Variants in UGT2A3 observed in about 807,000 individuals in gnomAD.
UGT2A3 encodes UDP glucuronosyltransferase family 2 member A3.
UGT2A3 carries 55 observed loss-of-function variants against 44.1 expected under a neutral mutation model. The ratio of observed to expected loss-of-function variants is 1.25; its 90% CI spans 1.00 to 1.56. The LOEUF (loss-of-function observed/expected upper bound fraction) is 1.56, where lower values mean the gene tolerates loss of function less well. Among genes scored for constraint, UGT2A3 ranks in the 40% most tolerant of loss-of-function variants. UGT2A3 has a pLI of 0.00. For missense variants in UGT2A3, 733 were observed against 621.6 expected (o/e 1.18, Z -1.91); for synonymous variants, 243 against 215.1 (o/e 1.13, Z -1.13).
chr4:68,945,289 T>A lies in UGT2A3; in HGVS notation c.864+17A>T. On this transcript the variant is annotated intron_variant, in intron 2 of 5. Transcript: ENST00000251566. ...ATGTCATAAAGTACATAATATTCCTTAATACAATAGTCCTACCTTAGGCAA... is the reference window on the plus strand; with the variant it reads ...ATGTCATAAAGTACATAATATTCCTAAATACAATAGTCCTACCTTAGGCAA... The A allele has an allele frequency of 6.2e-7, 1 of 1,610,290 alleles. No homozygotes were observed.
chr4:68,939,901 A>T (rs1030304040), intron 2 of UGT2A3, among the ~76,000 whole-genome samples: 1 of 152,214 alleles, frequency 6.6e-6, no homozygotes, highest in East Asian at 1.9e-4. Flanking sequence ...ATGAACAGAC[A>T]CTTGTCAAAA....
intron 2 of UGT2A3, among the ~76,000 whole-genome samples, chr4:68,936,292 A>C (rs1408747396): frequency 1.3e-5 from 2 of 152,120 alleles, no homozygotes; most frequent in African/African-American, 4.8e-5. Flanking sequence ...TGAAGGAAAA[A>C]ATGCTAAAAG....
At chr4:68,934,785 G>A (rs968431707) in intron 2 of UGT2A3, among the ~76,000 whole-genome samples, 2 of 151,736 alleles carry the variant, frequency 1.3e-5, no homozygotes, top group African/African-American at 4.8e-5. Flanking sequence ...TAGAAGGATT[G>A]CTTAAACTCA....
At chr4:68,945,166 C>A in intron 2 of UGT2A3, 140 bp downstream of exon 2, 1 of 861,992 alleles carries the variant, frequency 1.2e-6, no homozygotes, top group East Asian at 2.7e-5. Flanking sequence ...CTATAAGAGC[C>A]CCTGTGGCAT....
chr4:68,937,522 AG>A (rs147692883), intron 2 of UGT2A3, among the ~76,000 whole-genome samples: 18,005 of 152,160 alleles, frequency 0.12, 1,550 homozygotes, highest in Admixed American at 0.24. Flanking sequence ...ATGAGAACAA[AG>A]ATACGAAGTA....
In UGT2A3 at chr4:68,930,009, T is replaced by C; in HGVS notation, c.1388A>G (p.Glu463Gly). The C allele has an allele frequency of 6.2e-7, 1 of 1,613,588 alleles. No homozygotes were observed. The highest frequency in any genetic ancestry group is 8.5e-7 in the Non-Finnish European group (1 of 1,179,652). ...GGCTCCTTTGTGGCGCATGACAAAC[T>C]CGATCCAGAAGACTGCTCGATCTAG... Reference protein sequence around the residue: ...KPLDRAVFWIEFVMRHKGAKH... With the variant: ...KPLDRAVFWIGFVMRHKGAKH... Residue 463 changes from glutamate to glycine, a missense_variant, in exon 6 of 6, where the codon GAG becomes GGG. Physicochemically the swap from Glu to Gly is moderately conservative, Grantham distance 98. Transcript: ENST00000251566.
chr4:68,930,016 A>T lies in UGT2A3; in HGVS notation c.1381T>A (p.Trp461Arg), dbSNP rs1403259682. 6.2e-7 allele frequency: 1 copy of T among 1,613,556 alleles called. No individual in the cohort carries two copies. The highest frequency in any genetic ancestry group is 8.5e-7 in the Non-Finnish European group (1 of 1,179,684). Reference protein sequence around the residue: ...PVKPLDRAVFWIEFVMRHKGA... With the variant: ...PVKPLDRAVFRIEFVMRHKGA... Reference sequence around the variant, plus strand: ...TTGTGGCGCATGACAAACTCGATCCAGAAGACTGCTCGATCTAGGGGCTTT... The same window carrying T: ...TTGTGGCGCATGACAAACTCGATCCTGAAGACTGCTCGATCTAGGGGCTTT... The change falls in exon 6 of 6, where the codon TGG (tryptophan) becomes AGG (arginine). Residue 461 changes from tryptophan (W) to arginine (R), a missense_variant. Transcript: ENST00000251566.
In UGT2A3 at chr4:68,938,300, A is replaced by T. The variant is rs183731206; in HGVS notation, c.865-5541T>A. Among the ~76,000 whole-genome samples, 462 of 152,078 alleles carry T rather than the reference A, an allele frequency of 3.0e-3. 6 individuals are homozygous for T. Among genetic ancestry groups the T allele is most frequent in the African/African-American group, 0.011 (450 of 41,498 alleles). ...ATCTCTGAGGAATATCACTGCAAAAACCCTCAATAAAATACTGGCAAACCG... is the reference window on the plus strand; with the variant it reads ...ATCTCTGAGGAATATCACTGCAAAATCCCTCAATAAAATACTGGCAAACCG... On this transcript the variant is annotated intron_variant, in intron 2 of 5. Coordinates refer to ENST00000251566, the MANE Select transcript of UGT2A3 (RefSeq NM_024743.4).
intron 2 of UGT2A3, among the ~76,000 whole-genome samples, chr4:68,936,089 G>C (rs1680718389): frequency 6.6e-6 from 1 of 152,082 alleles, no homozygotes; most frequent in Non-Finnish European, 1.5e-5. Context: ...ATGTTTGATT[G>C]GTGTACCTGA....
chr4:68,940,563 T>A (rs907736386), intron 2 of UGT2A3, among the ~76,000 whole-genome samples: 1 of 151,638 alleles, frequency 6.6e-6, no homozygotes, highest in African/African-American at 2.4e-5. Flanking sequence ...GGGTGGCTGG[T>A]GGAGGGATAG....
chr4:68,929,690 G>C lies in UGT2A3; in HGVS notation c.*123C>G, dbSNP rs1560453538. Reference sequence around the variant, plus strand: ...ACAACCTCATGATCGTGGAATTCTAGGCTATATAGCTAAGATAAAATAACA... The same window carrying C: ...ACAACCTCATGATCGTGGAATTCTACGCTATATAGCTAAGATAAAATAACA... On this transcript the variant is annotated 3_prime_UTR_variant, in exon 6 of 6. Transcript: ENST00000251566. 1.1e-6 allele frequency: 1 copy of C among 900,586 alleles called. No individual in the cohort carries two copies. The highest frequency in any genetic ancestry group is 1.7e-6 in the Non-Finnish European group (1 of 591,782). The allele number at this position is 900,586 out of a possible 1,614,324, so 55.8% of individuals were successfully genotyped here. A position where few individuals can be genotyped will look rare whatever the true frequency, so the allele number is the denominator to read the frequency against.
chr4:68,944,250 T>A (rs962800221), intron 2 of UGT2A3, among the ~76,000 whole-genome samples: 2 of 151,768 alleles, frequency 1.3e-5, no homozygotes, highest in Non-Finnish European at 2.9e-5. Context: ...AGTGGTGTCT[T>A]CCAGTGTAAA....
chr4:68,938,995 T>C (rs1189811070), intron 2 of UGT2A3, among the ~76,000 whole-genome samples: 1 of 152,094 alleles, frequency 6.6e-6, no homozygotes, highest in Non-Finnish European at 1.5e-5. Flanking sequence ...TTACAAGGGA[T>C]GTGAAAGATC....
chr4:68,932,575 A>G, intron 3 of UGT2A3, 53 bp downstream of exon 3: 1 of 1,556,978 alleles, frequency 6.4e-7, no homozygotes, highest in Non-Finnish European at 8.7e-7. Context: ...AAATAAAACC[A>G]TACTGTTTCA....
At chr4:68,930,372 T>C (rs1436924591) in intron 5 of UGT2A3, among the ~76,000 whole-genome samples, 174 bp downstream of exon 5, 2 of 152,072 alleles carry the variant, frequency 1.3e-5, no homozygotes, top group Non-Finnish European at 2.9e-5. Context: ...TGAAGAAAGT[T>C]TGACACTCTA....
rs1341028739 is a variant in UGT2A3, at chr4:68,935,272, GTATGTATATATATATATA to G, written c.865-2531_865-2514del. 3.7e-3 allele frequency among the ~76,000 whole-genome samples: 326 copies of G among 89,280 alleles called. 9 individuals carry two copies. The highest frequency in any genetic ancestry group is 0.011 in the African/African-American group (315 of 28,264). 58.6% of individuals were successfully genotyped at this position (89,280 alleles called of 152,430 possible). A position where few individuals can be genotyped will look rare whatever the true frequency, so the allele number is the denominator to read the frequency against. ...GACAAGGAGGTGTGTATGTATGTAT[GTATGTATATATATATATA>G]TATATATATATATATATATATATAT... is the stretch of plus-strand genomic sequence containing the variant. On this transcript the variant is annotated intron_variant, in intron 2 of 5. Coordinates refer to ENST00000251566, the MANE Select transcript of UGT2A3 (RefSeq NM_024743.4).
At chr4:68,950,945 A>C (rs1560464331) in intron 1 of UGT2A3, 101 bp downstream of exon 1, 1 of 804,966 alleles carries the variant, frequency 1.2e-6, no homozygotes, top group Non-Finnish European at 1.8e-6. Flanking sequence ...TTTTCTAAAA[A>C]AACTCATTGA....
In UGT2A3 at chr4:68,951,705, C is replaced by A; in HGVS notation, c.56G>T (p.Gly19Val). The A allele has an allele frequency of 1.9e-6, 3 of 1,609,934 alleles. No individual in the cohort carries two copies. The highest frequency in any genetic ancestry group is 2.5e-6 in the Non-Finnish European group (3 of 1,178,506). Residue 19 changes from glycine (G) to valine (V), a missense_variant, in exon 1 of 6, where the codon GGC (glycine) becomes GTC (valine). Transcript: ENST00000251566. ...VFLLLQLFCV[G>V]CGFCGKVLVW... is the part of the protein sequence containing the mutation. ...CAGGACTTTCCCACAGAATCCACAG[C>A]CAACACAGAAGAGCTGCAGGAGCAG...
At chr4:68,949,989 T>C (rs1718520293) in intron 1 of UGT2A3, among the ~76,000 whole-genome samples, 1 of 151,920 alleles carries the variant, frequency 6.6e-6, no homozygotes, top group Non-Finnish European at 1.5e-5. Context: ...ACCCCTTTGA[T>C]AACACTTTTG....
Sources: allele counts gnomAD v4.1 joint callset (sites outside exome capture counted in the v4.1 genomes callset), GRCh38; gene constraint gnomAD v4.1.1; transcripts MANE v1.5; gene names NCBI Gene and HGNC (gene_info 2026-07-23, HGNC 2026-07-21).